The following MYL6B variants were observed in gnomAD, a reference collection of about 807,000 sequenced individuals.
MYL6B encodes the protein myosin alkali light chain 1 slow a.
MYL6B carries 19 observed loss-of-function variants against 24.5 expected under a neutral mutation model. That is an observed-to-expected ratio of 0.78 (90% confidence interval 0.54 to 1.14). The LOEUF (loss-of-function observed/expected upper bound fraction) is 1.14. Among genes scored for constraint, MYL6B ranks in the 50% most tolerant of loss-of-function variants. The probability of loss-of-function intolerance (pLI) is 0.00; values close to 1 mark genes in which losing one functional copy is unlikely to be tolerated. For synonymous variants in MYL6B, 90 were observed against 100.7 expected, an observed-to-expected ratio of 0.89 and a Z score of 0.64; for missense variants, 230 against 263.8, an observed-to-expected ratio of 0.87 and a Z score of 0.89.
chr12:56,154,743 G>T (rs1871240920), intron 2 of MYL6B, 70 bp from the exon 3 acceptor site: 5 of 1,547,922 alleles, frequency 3.2e-6, no homozygotes, highest in Non-Finnish European at 3.5e-6. Flanking sequence ...GCTGCCAGTT[G>T]GTTGGGAGGA....
chr12:56,154,526 C>T (rs1871233063), intron 2 of MYL6B, among the ~76,000 whole-genome samples: 1 of 152,208 alleles, frequency 6.6e-6, no homozygotes, highest in Admixed American at 6.5e-5. Flanking sequence ...GTAAATTTAG[C>T]CTTTGTTCAG....
Position 56,153,329 on chromosome 12 carries a change from T to G in MYL6B, c.-46-544T>G, listed in dbSNP as rs545304015. 4.4e-5 allele frequency: 29 copies of G among 665,026 alleles called. No homozygotes were observed. The African/African-American group carries it at 5.5e-4, about 13-fold the overall frequency. The allele number at this position is 665,026 out of a possible 1,614,324, so 41.2% of individuals were successfully genotyped here. ...TGAATAGTTCCAGTTCTTGGCTGGG[T>G]GGGGGCTCAGGAACTACAAGTATTA... On this transcript the variant is annotated intron_variant, in intron 1 of 6. Coordinates refer to ENST00000553066, the Ensembl canonical transcript of MYL6B.
chr12:56,155,674 G>A (rs778571902), intron 5 of MYL6B, 82 bp downstream of exon 5: 14 of 1,600,640 alleles, frequency 8.7e-6, no homozygotes, highest in Non-Finnish European at 1.1e-5. Flanking sequence ...CAGATAAGCA[G>A]AGCTAGCAGG....
In MYL6B at chr12:56,153,347, A is replaced by G. The variant is rs114546220; in HGVS notation, c.-46-526A>G. 1,450 of 839,224 alleles carry G rather than the reference A, an allele frequency of 1.7e-3. 20 individuals carry two copies. The African/African-American group carries it at 0.025, about 14-fold the overall frequency. The allele number at this position is 839,224 out of a possible 1,614,324, so 52.0% of individuals were successfully genotyped here. On this transcript the variant is annotated intron_variant, in intron 1 of 6. Coordinates refer to ENST00000553066, the Ensembl canonical transcript of MYL6B. ...GGCTGGGTGGGGGCTCAGGAACTAC[A>G]AGTATTAGGGATCATTAGACTCTAA...
intron 6 of MYL6B, 61 bp from the exon 7 acceptor site, chr12:56,157,637 G>C: frequency 1.2e-6 from 2 of 1,613,350 alleles, no homozygotes; most frequent in Non-Finnish European, 1.7e-6. Context: ...GGATTACCTA[G>C]AGTCAGATGT....
intron 5 of MYL6B, chr12:56,156,080 C>T (rs563425722): frequency 9.7e-6 from 10 of 1,030,818 alleles, no homozygotes; most frequent in South Asian, 5.3e-5. Context: ...CCAAGGCGGG[C>T]GGATCACCTT....
At chr12:56,157,855 C>A in exon 7 of MYL6B, 1 of 1,185,634 alleles carries the variant, frequency 8.4e-7, no homozygotes. Context: ...GGCTCCAGCG[C>A]TTCGCAACTT....
chr12:56,156,294 C>G (rs1871299358), intron 5 of MYL6B: 1 of 120,498 alleles, frequency 8.3e-6, no homozygotes, highest in Non-Finnish European at 1.7e-5. Context: ...GGGGACAGAG[C>G]AAGGTTCTGT....
Position 56,157,612 on chromosome 12 carries a change from G to T in MYL6B, c.598+67G>T. On this transcript the variant is annotated intron_variant, in intron 6 of 6. Transcript: ENST00000553066. The stretch of plus-strand genomic sequence containing the variant: ...GCAGCCTGGCGTCTTGCCGCGTGTG[G>T]GCGGGGGCACCCCTGGATTACCTAG... 13 of 1,613,224 alleles carry T rather than the reference G, an allele frequency of 8.1e-6. No homozygotes were observed. The South Asian group carries it at 1.4e-4, about 18-fold the overall frequency.
chr12:56,153,468 C>G (rs1044127474), intron 1 of MYL6B: 12 of 986,348 alleles, frequency 1.2e-5, no homozygotes, highest in Middle Eastern at 1.0e-3. Flanking sequence ...TCCCAGACCA[C>G]ACTTTAACTT....
At chr12:56,154,284 C>CT (rs1394090826) in intron 2 of MYL6B, among the ~76,000 whole-genome samples, 192 bp downstream of exon 2, 1 of 152,230 alleles carries the variant, frequency 6.6e-6, no homozygotes, top group Non-Finnish European at 1.5e-5. Flanking sequence ...TTCTCTCCCT[C>CT]TAACCTATAA....
At chr12:56,157,981 G>A (rs868348332) in exon 7 of MYL6B, 1 of 583,806 alleles carries the variant, frequency 1.7e-6, no homozygotes, top group Non-Finnish European at 3.0e-6. Flanking sequence ...TTCCTCTCTT[G>A]GTTTCAGACT....
chr12:56,157,801 A>C, exon 7 of MYL6B: 1 of 1,559,664 alleles, frequency 6.4e-7, no homozygotes, highest in Non-Finnish European at 8.7e-7. Context: ...CTCAGCCAAC[A>C]TAGAAAAGCA....
chr12:56,154,951 C>T, intron 3 of MYL6B, 104 bp from the exon 4 acceptor site: 32 of 1,560,152 alleles, frequency 2.1e-5, no homozygotes, highest in Non-Finnish European at 2.8e-5. Flanking sequence ...TACTAGTCCT[C>T]TTTTCCTCCC....
rs1871375770 is a variant in MYL6B, at chr12:56,157,529, C to CT, written c.583dup (p.Cys195LeufsTer94). The CT allele has an allele frequency of 6.2e-7, 1 of 1,612,726 alleles. No individual in the cohort carries two copies. Among genetic ancestry groups the CT allele is most frequent in the African/African-American group, 1.3e-5 (1 of 74,848 alleles). On this transcript the variant is annotated frameshift_variant, in exon 6 of 7. Transcript: ENST00000553066. LOFTEE classifies it high-confidence loss of function. Reference sequence around the variant, plus strand: ...TGGCAGGACACGAGGACAGCAACGGCTGCATCAACTACGAGGGTGAGGGGA... The same window carrying CT: ...TGGCAGGACACGAGGACAGCAACGGCTTGCATCAACTACGAGGGTGAGGGGA...
intron 5 of MYL6B, chr12:56,157,161 G>A (rs1406394522): frequency 2.1e-5 from 6 of 288,676 alleles, no homozygotes; most frequent in Non-Finnish European, 3.3e-5. Context: ...TTGGGAGGCC[G>A]AGGCAGGTGT....
chr12:56,154,245 G>T (rs1004771946), intron 2 of MYL6B, among the ~76,000 whole-genome samples, 153 bp downstream of exon 2: 5 of 152,186 alleles, frequency 3.3e-5, no homozygotes, highest in Admixed American at 1.3e-4. Flanking sequence ...GAAGCATCCA[G>T]TCTTATGACT....
chr12:56,155,446 A>C, exon 5 of MYL6B: 1 of 1,614,140 alleles, frequency 6.2e-7, no homozygotes, highest in African/African-American at 1.3e-5. Flanking sequence ...GTGGACTTTG[A>C]GACTTTCCTG....
chr12:56,153,399 G>A (rs1351071605), intron 1 of MYL6B: 1 of 985,236 alleles, frequency 1.0e-6, no homozygotes, highest in African/African-American at 1.7e-5. Context: ...TCTTTACAAA[G>A]CCATGGTCAG....
Sources: allele counts gnomAD v4.1 joint callset (sites outside exome capture counted in the v4.1 genomes callset), GRCh38; gene constraint gnomAD v4.1.1; transcripts MANE v1.5; gene names NCBI Gene and HGNC (gene_info 2026-07-23, HGNC 2026-07-21).